GBP7: variants seen among roughly 807,000 people sequenced by gnomAD.
The protein encoded by GBP7 is guanylate binding protein 7.
A neutral mutation model predicts 61.3 loss-of-function variants in GBP7; 43 were observed. That is an observed-to-expected ratio of 0.70 (90% CI 0.55 to 0.91). The LOEUF is 0.91. GBP7 is among the 40% of genes least tolerant of loss of function. The pLI is 0.00. For missense variants in GBP7, 717 were observed against 740.5 expected, an observed-to-expected ratio of 0.97 and a Z score of 0.37; for synonymous variants, 267 against 271.0, an observed-to-expected ratio of 0.99 and a Z score of 0.14.
At chr1:89,149,169 A>G (rs1682134201) in intron 7 of GBP7, 123 bp downstream of exon 7, 4 of 765,832 alleles carry the variant, frequency 5.2e-6, no homozygotes, top group Non-Finnish European at 5.8e-6. Flanking sequence ...AAATTCAGTC[A>G]CATAAAATAA....
intron 1 of GBP7, among the ~76,000 whole-genome samples, chr1:89,175,605 G>A (rs1647719934): frequency 6.6e-6 from 1 of 152,010 alleles, no homozygotes; most frequent in African/African-American, 2.4e-5. Context: ...ATAAATGTTG[G>A]GCCCAATAAA....
Position 89,165,623 on chromosome 1 carries a change from A to G in GBP7, c.191-765T>C, listed in dbSNP as rs138702751. 2.3e-3 allele frequency among the ~76,000 whole-genome samples: 345 copies of G among 152,280 alleles called. 1 individual carries two copies. The highest frequency in any genetic ancestry group is 8.0e-3 in the African/African-American group (331 of 41,546). ...ATGAGTTCATGTCCTTTGCAGGGAC[A>G]TGGATGAAGCTGGAAACCATCATTC... On this transcript the variant is annotated intron_variant, in intron 2 of 10. Coordinates refer to ENST00000294671, the MANE Select transcript of GBP7 (RefSeq NM_207398.3).
At chr1:89,145,289 G>A (rs1202052069) in intron 8 of GBP7, among the ~76,000 whole-genome samples, 1 of 151,952 alleles carries the variant, frequency 6.6e-6, no homozygotes, top group African/African-American at 2.4e-5. Context: ...ATAAAGGTGC[G>A]TCATGCAGTA....
At chr1:89,166,759 T>C (rs1260816093) in intron 2 of GBP7, among the ~76,000 whole-genome samples, 1 of 152,212 alleles carries the variant, frequency 6.6e-6, no homozygotes, top group Non-Finnish European at 1.5e-5. Context: ...AGGCTAATGT[T>C]CTGAGGACAT....
chr1:89,163,841 T>A (rs1041937504), intron 3 of GBP7, among the ~76,000 whole-genome samples: 1 of 151,680 alleles, frequency 6.6e-6, no homozygotes, highest in Non-Finnish European at 1.5e-5. Flanking sequence ...TCTTTTCTTT[T>A]TCTTTCTTTT....
chr1:89,135,046 A>G (rs189347428), intron 9 of GBP7, among the ~76,000 whole-genome samples: 3 of 152,260 alleles, frequency 2.0e-5, no homozygotes. Flanking sequence ...CAAGAATTTC[A>G]TAATACAATC....
intron 5 of GBP7, 58 bp from the exon 6 acceptor site, chr1:89,150,633 T>C: frequency 6.4e-7 from 1 of 1,565,034 alleles, no homozygotes; most frequent in Non-Finnish European, 8.7e-7. Context: ...AGCCTGAAGA[T>C]TTTCATTTCC....
intron 3 of GBP7, among the ~76,000 whole-genome samples, chr1:89,164,448 A>G (rs895102526): frequency 3.3e-5 from 5 of 152,238 alleles, no homozygotes; most frequent in Non-Finnish European, 7.3e-5. Context: ...TTTGAAATTC[A>G]GGATTCTTTA....
chr1:89,164,699 G>A (rs753005035), intron 3 of GBP7, 32 bp downstream of exon 3: 2 of 1,605,846 alleles, frequency 1.2e-6, no homozygotes, highest in Non-Finnish European at 1.7e-6. Context: ...AGAATCAAAG[G>A]TAAAGAAGAT....
Position 89,171,732 on chromosome 1 carries a change from C to T in GBP7, c.190+14G>A. On this transcript the variant is annotated intron_variant, in intron 2 of 10. Transcript: ENST00000294671. ...ACAGATGGGGCTCATCCATGCTTTGCTGGTGCCACTCACCTTTGTTCTTCC... is the reference window on the plus strand; with the variant it reads ...ACAGATGGGGCTCATCCATGCTTTGTTGGTGCCACTCACCTTTGTTCTTCC... 6.2e-7 allele frequency: 1 copy of T among 1,610,000 alleles called. No homozygotes were observed. The highest frequency in any genetic ancestry group is 8.5e-7 in the Non-Finnish European group (1 of 1,177,944).
intron 2 of GBP7, among the ~76,000 whole-genome samples, chr1:89,168,999 A>C (rs990140544): frequency 1.3e-5 from 2 of 151,564 alleles, no homozygotes; most frequent in Admixed American, 6.6e-5. Flanking sequence ...AAACAAAAAA[A>C]CTCCTGTGGA....
In GBP7 at chr1:89,132,199, T is replaced by A; in HGVS notation, c.1867A>T (p.Ser623Cys). The A allele has an allele frequency of 6.2e-7, 1 of 1,613,318 alleles. No homozygotes were observed. The highest frequency in any genetic ancestry group is 8.5e-7 in the Non-Finnish European group (1 of 1,179,440). The change falls in exon 11 of 11, where the codon AGC becomes TGC. Residue 623 changes from serine to cysteine, a missense_variant. By Grantham distance (112) the Ser-to-Cys change is moderately radical. Coordinates refer to ENST00000294671, the MANE Select transcript of GBP7 (RefSeq NM_207398.3). ...TTTCTCAGCCTATTACATAATGAGC[T>A]AAGAATTTTCATTCCTAAATCAACT... ...KLVDLGMKIL[S>C]SLCNRLRNPG...
Position 89,157,401 on chromosome 1 carries a change from A to T in GBP7, c.319-4624T>A, listed in dbSNP as rs190642399. ...GAGACACAAAAAAACCCTTCAAAAA[A>T]TCAATGAATCAAGGAGCTGGTTTTT... On this transcript the variant is annotated intron_variant, in intron 3 of 10. Transcript: ENST00000294671. 4.8e-3 allele frequency among the ~76,000 whole-genome samples: 737 copies of T among 152,316 alleles called. 4 individuals are homozygous for T. The highest frequency in any genetic ancestry group is 0.016 in the African/African-American group (682 of 41,574).
chr1:89,160,299 G>C (rs540853188), intron 3 of GBP7, among the ~76,000 whole-genome samples: 10 of 151,984 alleles, frequency 6.6e-5, no homozygotes, highest in Non-Finnish European at 1.3e-4. Flanking sequence ...AACATGGCAC[G>C]TGTGTACATA....
chr1:89,159,495 G>A (rs951185468), intron 3 of GBP7, among the ~76,000 whole-genome samples: 2 of 152,078 alleles, frequency 1.3e-5, no homozygotes, highest in East Asian at 3.9e-4. Flanking sequence ...TATATACAAA[G>A]AACTTAAACA....
intron 3 of GBP7, among the ~76,000 whole-genome samples, chr1:89,160,410 C>G (rs899988557): frequency 3.3e-5 from 5 of 152,066 alleles, no homozygotes; most frequent in African/African-American, 1.2e-4. Flanking sequence ...TAAAATTTCA[C>G]TTAGGGAGGA....
chr1:89,137,432 C>T (rs1681832395), intron 9 of GBP7, among the ~76,000 whole-genome samples: 1 of 152,114 alleles, frequency 6.6e-6, no homozygotes, highest in Admixed American at 6.5e-5. Flanking sequence ...CCAAATCCAG[C>T]AGCACATTAA....
At chr1:89,165,137 C>T (rs1403147829) in intron 2 of GBP7, among the ~76,000 whole-genome samples, 1 of 152,180 alleles carries the variant, frequency 6.6e-6, no homozygotes, top group African/African-American at 2.4e-5. Context: ...AAGTTAGTCC[C>T]TCCAATCCTC....
intron 10 of GBP7, 62 bp from the exon 11 acceptor site, chr1:89,132,465 T>A (rs1681703829): frequency 4.0e-6 from 5 of 1,260,542 alleles, no homozygotes; most frequent in Admixed American, 2.3e-5. Flanking sequence ...GAGGTTTGTA[T>A]TTAACAATTT....
Sources: gnomAD v4.1 joint callset for allele counts (sites outside exome capture counted in the v4.1 genomes callset) on GRCh38, gnomAD v4.1.1 for gene constraint, MANE v1.5 for transcripts, NCBI Gene and HGNC (gene_info 2026-07-23, HGNC 2026-07-21) for gene names.